The following MCTP2 variants were observed in gnomAD, a reference collection of about 807,000 sequenced individuals.
MCTP2 encodes multiple C2 and transmembrane domain-containing protein 2.
MCTP2 carries 132 observed loss-of-function variants against 111.6 expected under a neutral mutation model. The observed-to-expected ratio is 1.18, with a 90% confidence interval of 1.03 to 1.37. The LOEUF (loss-of-function observed/expected upper bound fraction) is 1.37. Ranked by LOEUF, MCTP2 falls within the 40% of genes most tolerant of loss-of-function variation. The pLI is 0.00. For synonymous variants in MCTP2, 395 were observed against 387.7 expected, an observed-to-expected ratio of 1.02 and a Z score of -0.22; for missense variants, 1,183 against 1,067.9, an observed-to-expected ratio of 1.11 and a Z score of -1.50.
At chr15:94,266,077 C>CAT (rs936313036) in intron 1 of MCTP2, among the ~76,000 whole-genome samples, 2 of 48,280 alleles carry the variant, frequency 4.1e-5, no homozygotes, top group African/African-American at 3.6e-4. Context: ...CATGCGTGTG[C>CAT]GCGCACACAC....
At chr15:94,434,212 T>A (rs1440378360) in intron 17 of MCTP2, among the ~76,000 whole-genome samples, 1 of 151,916 alleles carries the variant, frequency 6.6e-6, no homozygotes, top group African/African-American at 2.4e-5. Flanking sequence ...AGTGATTTCT[T>A]TGCCTCAGCC....
At chr15:94,303,748 T>G (rs564633454) in intron 2 of MCTP2, among the ~76,000 whole-genome samples, 88 of 152,260 alleles carry the variant, frequency 5.8e-4, no homozygotes, top group African/African-American at 2.0e-3. Context: ...TCATATTCAT[T>G]CTGTTCTACT....
chr15:94,319,949 T>A (rs1375068982), intron 4 of MCTP2, among the ~76,000 whole-genome samples: 1 of 152,178 alleles, frequency 6.6e-6, no homozygotes, highest in Non-Finnish European at 1.5e-5. Flanking sequence ...GGAAGTATCT[T>A]TCAATACAGA....
chr15:94,304,173 G>A (rs964605064), intron 2 of MCTP2, among the ~76,000 whole-genome samples: 2 of 152,206 alleles, frequency 1.3e-5, no homozygotes, highest in African/African-American at 4.8e-5. Context: ...CAGATGTGGT[G>A]GCTCATGCCT....
At chr15:94,299,611 A>AG (rs2075502553) in intron 2 of MCTP2, among the ~76,000 whole-genome samples, 1 of 152,040 alleles carries the variant, frequency 6.6e-6, no homozygotes, top group Admixed American at 6.5e-5. Flanking sequence ...CAGGTTACCA[A>AG]ATCATGATTT....
intron 1 of MCTP2, among the ~76,000 whole-genome samples, chr15:94,259,360 C>A (rs1037918539): frequency 2.6e-5 from 4 of 152,104 alleles, no homozygotes; most frequent in Non-Finnish European, 5.9e-5. Context: ...TTGATGTTCT[C>A]CTCCTATTTC....
chr15:94,473,259 C>T (rs1221426171), intron 21 of MCTP2, among the ~76,000 whole-genome samples: 1 of 152,032 alleles, frequency 6.6e-6, no homozygotes, highest in African/African-American at 2.4e-5. Flanking sequence ...CCTCTTTAGC[C>T]CTATAATTCT....
At chr15:94,287,250 T>TC (rs1393058887) in intron 1 of MCTP2, among the ~76,000 whole-genome samples, 1 of 152,000 alleles carries the variant, frequency 6.6e-6, no homozygotes, top group Non-Finnish European at 1.5e-5. Context: ...CTTTTTTTTT[T>TC]TCTGGACACA....
intron 1 of MCTP2, among the ~76,000 whole-genome samples, chr15:94,283,576 A>C (rs1399575894): frequency 1.3e-5 from 2 of 152,080 alleles, no homozygotes; most frequent in Non-Finnish European, 2.9e-5. Context: ...CCCCTTTCCT[A>C]GGAGCTGTTT....
chr15:94,423,755 G>A (rs1484011179), intron 17 of MCTP2, among the ~76,000 whole-genome samples: 4 of 152,162 alleles, frequency 2.6e-5, no homozygotes, highest in Admixed American at 1.3e-4. Flanking sequence ...GCTTTTGAAA[G>A]CATTCCTAGG....
At chr15:94,388,704 G>A (rs896034462) in intron 14 of MCTP2, among the ~76,000 whole-genome samples, 6 of 152,044 alleles carry the variant, frequency 3.9e-5, no homozygotes, top group Admixed American at 3.9e-4. Context: ...CTTACACTTG[G>A]CATGTGCTGA....
At chr15:94,395,202 G>T (rs2081218423) in intron 14 of MCTP2, among the ~76,000 whole-genome samples, 1 of 152,312 alleles carries the variant, frequency 6.6e-6, no homozygotes, top group Non-Finnish European at 1.5e-5. Flanking sequence ...CACTTTCCAT[G>T]TGCATCAGCT....
chr15:94,280,540 A>C (rs2074428584), intron 1 of MCTP2, among the ~76,000 whole-genome samples: 1 of 150,856 alleles, frequency 6.6e-6, no homozygotes, highest in South Asian at 2.1e-4. Flanking sequence ...TATTCTTTCA[A>C]ATAACAACTT....
At chr15:94,255,731 C>T (rs1260636530) in intron 1 of MCTP2, among the ~76,000 whole-genome samples, 1 of 152,086 alleles carries the variant, frequency 6.6e-6, no homozygotes, top group African/African-American at 2.4e-5. Context: ...TATTCTGAAG[C>T]CGAGGCAGTT....
intron 10 of MCTP2, among the ~76,000 whole-genome samples, chr15:94,367,139 G>A (rs12440504): frequency 0.23 from 34,849 of 151,934 alleles, 4,905 homozygotes; most frequent in Non-Finnish European, 0.32. Flanking sequence ...GGAAGAAAAC[G>A]ATTTCTCCAT....
At position 94,480,399 on chromosome 15, in the gene MCTP2, A is replaced by G. The variant is rs1479494552; in HGVS notation, c.*1365A>G. ...TTACGAAAAATGCCAAAGATTCTAA[A>G]TCTTATCATCCCGTGTCTGTTTTTC... is the stretch of plus-strand genomic sequence containing the variant. On this transcript the variant is annotated 3_prime_UTR_variant, in exon 23 of 23. Coordinates refer to ENST00000357742, the MANE Select transcript of MCTP2 (RefSeq NM_001385001.1). 1 of 152,126 alleles carries G rather than the reference A, an allele frequency of 6.6e-6. No individual in the cohort carries two copies. The highest frequency in any genetic ancestry group is 1.5e-5 in the Non-Finnish European group (1 of 68,022). 9.4% of individuals were successfully genotyped at this position (152,126 alleles called of 1,614,324 possible).
chr15:94,426,886 T>C (rs1413192743), intron 17 of MCTP2, among the ~76,000 whole-genome samples: 3 of 152,078 alleles, frequency 2.0e-5, no homozygotes, highest in Non-Finnish European at 2.9e-5. Flanking sequence ...CTATTTCTAG[T>C]TTTACCCCAT....
intron 19 of MCTP2, among the ~76,000 whole-genome samples, chr15:94,444,937 C>T (rs575130635): frequency 6.6e-6 from 1 of 152,074 alleles, no homozygotes; most frequent in Non-Finnish European, 1.5e-5. Flanking sequence ...AGGAGAGTAT[C>T]CAACAAGATG....
intron 4 of MCTP2, among the ~76,000 whole-genome samples, chr15:94,329,932 C>T (rs1230919302): frequency 1.3e-5 from 2 of 152,222 alleles, no homozygotes; most frequent in Non-Finnish European, 2.9e-5. Context: ...AACTGCACCT[C>T]AGTGCCATTG....
Sources: allele counts gnomAD v4.1 joint callset (sites outside exome capture counted in the v4.1 genomes callset), GRCh38; gene constraint gnomAD v4.1.1; transcripts MANE v1.5; gene names NCBI Gene and HGNC (gene_info 2026-07-23, HGNC 2026-07-21).